NPLOC4: variants seen among roughly 807,000 people sequenced by gnomAD.
NPLOC4 encodes the protein NPL4 homolog, ubiquitin recognition factor, also known as nuclear protein localization protein 4 homolog.
Under a neutral mutation model 80.6 loss-of-function variants are expected in NPLOC4, and 18 were observed. The observed-to-expected ratio is 0.22, with a 90% CI of 0.15 to 0.33. The LOEUF is 0.33. NPLOC4 is among the 10% of genes least tolerant of loss of function. The pLI is 1.00. For missense variants in NPLOC4, 540 were observed against 786.1 expected (o/e 0.69, Z 3.74); for synonymous variants, 313 against 301.5 (o/e 1.04, Z -0.39).
chr17:81,589,794 T>A (rs2034687094), intron 11 of NPLOC4, among the ~76,000 whole-genome samples: 1 of 151,702 alleles, frequency 6.6e-6, no homozygotes. Flanking sequence ...GCCCAGGAGT[T>A]TGAGACCAGT....
chr17:81,559,116 G>C lies in NPLOC4; in HGVS notation c.*143C>G. ...AGGAACGTGCTGAGAAGCTTCAGTG[G>C]GTCAGGGAGCCCAGGACAGCCAGCC... is the stretch of plus-strand genomic sequence containing the variant. On this transcript the variant is annotated 3_prime_UTR_variant, in exon 17 of 17. Transcript: ENST00000331134. The C allele has an allele frequency of 1.1e-6, 1 of 920,308 alleles. No individual in the cohort carries two copies. The highest frequency in any genetic ancestry group is 1.6e-6 in the Non-Finnish European group (1 of 631,768). 57.0% of individuals were successfully genotyped at this position (920,308 alleles called of 1,614,324 possible).
rs1386982218 is a variant in NPLOC4 at position 81,569,065 on chromosome 17, G to A, written c.1400C>T (p.Ser467Leu). The change falls in exon 14 of 17, where the codon TCG (serine) becomes TTG (leucine). Residue 467 changes from serine (S) to leucine (L), a missense_variant. By Grantham distance (145) the Ser-to-Leu change is moderately radical. Around this residue, in one of 6 missense-constraint regions of NPLOC4, gnomAD observed 251 missense variants for 377.5 expected, o/e 0.66. Coordinates refer to ENST00000331134, the MANE Select transcript of NPLOC4 (RefSeq NM_017921.4). ...GTTTTCAATAGGAAATGGATTTTGCGAAATAGAAAAAGTGTAAACTGGATC... is the reference window on the plus strand; with the variant it reads ...GTTTTCAATAGGAAATGGATTTTGCAAAATAGAAAAAGTGTAAACTGGATC... ...PKDPVYTFSI[S>L]QNPFPIENRD... is the part of the protein sequence containing the mutation. 1 of 1,613,066 alleles carries A rather than the reference G, an allele frequency of 6.2e-7. No homozygotes were observed. The highest frequency in any genetic ancestry group is 8.5e-7 in the Non-Finnish European group (1 of 1,179,126).
chr17:81,594,969 A>G (rs867998315), intron 11 of NPLOC4, among the ~76,000 whole-genome samples: 2 of 152,010 alleles, frequency 1.3e-5, no homozygotes, highest in East Asian at 3.9e-4. Context: ...AAAAAAAAAA[A>G]CACAAAAACC....
intron 12 of NPLOC4, among the ~76,000 whole-genome samples, chr17:81,579,282 G>A (rs949037576): frequency 1.3e-5 from 2 of 152,230 alleles, no homozygotes; most frequent in Non-Finnish European, 1.5e-5. Context: ...GGAAGCTGTG[G>A]CAGGAGAACT....
intron 11 of NPLOC4, among the ~76,000 whole-genome samples, chr17:81,592,952 C>T (rs1352526089): frequency 6.6e-6 from 1 of 152,074 alleles, no homozygotes; most frequent in Admixed American, 6.6e-5. Context: ...CATGGCACTC[C>T]AGCCTGGGTG....
At chr17:81,581,411 A>T (rs1274040929) in intron 12 of NPLOC4, among the ~76,000 whole-genome samples, 1 of 151,112 alleles carries the variant, frequency 6.6e-6, no homozygotes, top group Non-Finnish European at 1.5e-5. Flanking sequence ...AAGAACTGAA[A>T]GCCAGCCCCT....
intron 1 of NPLOC4, among the ~76,000 whole-genome samples, chr17:81,635,117 G>A (rs939658816): frequency 3.3e-5 from 5 of 151,630 alleles, no homozygotes; most frequent in Admixed American, 1.3e-4. Context: ...CAAGGCGGGC[G>A]GATCACGAGG....
chr17:81,558,407 G>C lies in NPLOC4; in HGVS notation c.*852C>G, dbSNP rs1055879582. On this transcript the variant is annotated 3_prime_UTR_variant, in exon 17 of 17. Coordinates refer to ENST00000331134, the MANE Select transcript of NPLOC4 (RefSeq NM_017921.4). ...TGCTCAGCCCGCAGTATCTGCAGTT[G>C]CTGCAGCTGTGTGGCTTGGTAGAAA... 6.6e-6 allele frequency: 1 copy of C among 152,220 alleles called. No individual in the cohort carries two copies. Among genetic ancestry groups the C allele is most frequent in the Non-Finnish European group, 1.5e-5 (1 of 68,056 alleles). The allele number at this position is 152,220 out of a possible 1,614,324, so 9.4% of individuals were successfully genotyped here.
At chr17:81,619,565 A>AG (rs1018898042) in intron 3 of NPLOC4, among the ~76,000 whole-genome samples, 7 of 149,698 alleles carry the variant, frequency 4.7e-5, no homozygotes, top group East Asian at 4.0e-4. Context: ...AAAAAAAAAA[A>AG]AAAGAAAGAA....
intron 2 of NPLOC4, among the ~76,000 whole-genome samples, chr17:81,629,148 G>A (rs932695813): frequency 1.3e-5 from 2 of 149,440 alleles, no homozygotes; most frequent in African/African-American, 5.0e-5. Context: ...AAAGTGCTGC[G>A]ATTACAGGCG....
rs530192315 is a variant in NPLOC4, at chr17:81,574,544, G to A, written c.1282-2456C>T. ...TGGGAGGAGGTTGTCTTAATTCTAA[G>A]TTTGGCAGCCGTCAAAGTGTCAGCA... is the stretch of plus-strand genomic sequence containing the variant. On this transcript the variant is annotated intron_variant, in intron 12 of 16. Coordinates refer to ENST00000331134, the MANE Select transcript of NPLOC4 (RefSeq NM_017921.4). 8.5e-5 allele frequency among the ~76,000 whole-genome samples: 13 copies of A among 152,296 alleles called. 2 individuals carry two copies. The South Asian group carries it at 2.7e-3, about 32-fold the overall frequency.
intron 2 of NPLOC4, among the ~76,000 whole-genome samples, chr17:81,626,589 A>G (rs1387512443): frequency 6.6e-6 from 1 of 152,154 alleles, no homozygotes; most frequent in Non-Finnish European, 1.5e-5. Context: ...CTGGAATCCC[A>G]GCATCCAGGA....
rs757343309 is a variant in NPLOC4 at position 81,558,149 on chromosome 17, C to T, written c.*1110G>A. ...AGAGCACACAAGCAGGACCCCACCACGTGCTGTTCCAGATCGCCCAGTCTC... is the reference window on the plus strand; with the variant it reads ...AGAGCACACAAGCAGGACCCCACCATGTGCTGTTCCAGATCGCCCAGTCTC... On this transcript the variant is annotated 3_prime_UTR_variant, in exon 17 of 17. Transcript: ENST00000331134. 1.6e-4 allele frequency: 24 copies of T among 152,464 alleles called. No individual in the cohort carries two copies. Among genetic ancestry groups the T allele is most frequent in the Non-Finnish European group, 2.2e-4 (15 of 68,208 alleles). The allele number at this position is 152,464 out of a possible 1,614,324, so 9.4% of individuals were successfully genotyped here. A position where few individuals can be genotyped will look rare whatever the true frequency, so the allele number is the denominator to read the frequency against.
intron 9 of NPLOC4, among the ~76,000 whole-genome samples, chr17:81,599,652 C>T (rs1313953272): frequency 6.6e-6 from 1 of 152,132 alleles, no homozygotes; most frequent in African/African-American, 2.4e-5. Context: ...ATAAAACATA[C>T]TTATTAACAT....
chr17:81,625,095 A>C lies in NPLOC4; in HGVS notation c.97-2817T>G, dbSNP rs148932048. ...GGACAGGATGGTGGGGATGAAGGCAAGAGCACACTTTCCAGCAGTGGTCAT... is the reference window on the plus strand; with the variant it reads ...GGACAGGATGGTGGGGATGAAGGCACGAGCACACTTTCCAGCAGTGGTCAT... On this transcript the variant is annotated intron_variant, in intron 2 of 16. Coordinates refer to ENST00000331134, the MANE Select transcript of NPLOC4 (RefSeq NM_017921.4). 1.8e-4 allele frequency among the ~76,000 whole-genome samples: 28 copies of C among 152,326 alleles called. No homozygotes were observed. In the East Asian group the frequency reaches 4.8e-3, roughly 26 times the overall value.
chr17:81,613,598 G>A (rs2035399156), intron 3 of NPLOC4, 104 bp from the exon 4 acceptor site: 2 of 992,994 alleles, frequency 2.0e-6, no homozygotes, highest in Non-Finnish European at 2.9e-6. Flanking sequence ...CACCCCTGTA[G>A]GCCTAAACAA....
intron 1 of NPLOC4, among the ~76,000 whole-genome samples, chr17:81,635,901 C>T (rs990009326): frequency 1.4e-5 from 2 of 143,600 alleles, no homozygotes; most frequent in Non-Finnish European, 3.0e-5. Flanking sequence ...GAAGAAACTT[C>T]TCACAACTTA....
intron 1 of NPLOC4, among the ~76,000 whole-genome samples, chr17:81,635,291 A>T (rs1369615008): frequency 6.6e-6 from 1 of 150,776 alleles, no homozygotes; most frequent in Non-Finnish European, 1.5e-5. Flanking sequence ...GTAAGCAGAG[A>T]TCGCACCACT....
chr17:81,558,311 G>C lies in NPLOC4; in HGVS notation c.*948C>G, dbSNP rs1049015837. 1.3e-5 allele frequency: 2 copies of C among 152,318 alleles called. No homozygotes were observed. The highest frequency in any genetic ancestry group is 3.9e-4 in the East Asian group (2 of 5,192). 9.4% of individuals were successfully genotyped at this position (152,318 alleles called of 1,614,324 possible). On this transcript the variant is annotated 3_prime_UTR_variant, in exon 17 of 17. Transcript: ENST00000331134. ...GCGTATTGGGGAGGGCCAGAGCATC[G>C]GCACCGGTGACCCAGCTCTCCCACC...
Sources: allele counts gnomAD v4.1 joint callset (sites outside exome capture counted in the v4.1 genomes callset), GRCh38; gene constraint gnomAD v4.1.1; regional missense constraint gnomAD v4.1.1; transcripts MANE v1.5; gene names NCBI Gene and HGNC (gene_info 2026-07-23, HGNC 2026-07-21).